The following WWOX variants were observed in gnomAD, a reference collection of about 807,000 sequenced individuals.
The protein encoded by WWOX is WW domain containing oxidoreductase, also known as WW domain-containing oxidoreductase.
Under a neutral mutation model 46.2 loss-of-function variants are expected in WWOX, and 69 were observed. That is an observed-to-expected ratio of 1.49 (90% CI 1.23 to 1.82). WWOX has a LOEUF of 1.82. Among genes scored for constraint, WWOX ranks in the 40% most tolerant of loss-of-function variants. The pLI, the probability that WWOX is intolerant of heterozygous loss-of-function variation, is 0.00. For missense variants in WWOX, 919 were observed against 542.6 expected, an observed-to-expected ratio of 1.69 and a Z score of -6.89; for synonymous variants, 359 against 202.6, an observed-to-expected ratio of 1.77 and a Z score of -6.56.
At chr16:78,368,690 TC>T (rs947459499) in intron 5 of WWOX, among the ~76,000 whole-genome samples, 11 of 152,062 alleles carry the variant, frequency 7.2e-5, no homozygotes, top group Admixed American at 3.3e-4. Flanking sequence ...TCCCCTCCCT[TC>T]CCCTCCCCCC....
chr16:78,147,261 A>T (rs924853457), intron 4 of WWOX, among the ~76,000 whole-genome samples: 49 of 152,096 alleles, frequency 3.2e-4, no homozygotes, highest in African/African-American at 1.2e-3. Context: ...AGTTTTTTAC[A>T]TTTTGCCTCT....
At chr16:78,759,435 G>A (rs907832416) in intron 8 of WWOX, among the ~76,000 whole-genome samples, 1 of 152,144 alleles carries the variant, frequency 6.6e-6, no homozygotes, top group Non-Finnish European at 1.5e-5. Flanking sequence ...GTGAGAGCCT[G>A]TTGAGTTAAA....
At chr16:78,910,046 C>A (rs1176498388) in intron 8 of WWOX, among the ~76,000 whole-genome samples, 1 of 152,170 alleles carries the variant, frequency 6.6e-6, no homozygotes, top group Non-Finnish European at 1.5e-5. Flanking sequence ...GCCCATGCAA[C>A]CCAGATGTCA....
intron 8 of WWOX, chr16:78,503,844 T>C (rs1479481672): frequency 6.6e-6 from 1 of 152,174 alleles, no homozygotes; most frequent in African/African-American, 2.4e-5. Flanking sequence ...TAGCAAACAG[T>C]AGTGTTGTCA....
At chr16:79,111,562 G>T (rs1189701195) in intron 8 of WWOX, among the ~76,000 whole-genome samples, 2 of 152,112 alleles carry the variant, frequency 1.3e-5, no homozygotes, top group East Asian at 3.9e-4. Context: ...TTTTGAAAGA[G>T]TACGATGGGG....
chr16:78,707,968 G>C (rs1303907528), intron 8 of WWOX, among the ~76,000 whole-genome samples: 1 of 152,232 alleles, frequency 6.6e-6, no homozygotes, highest in Non-Finnish European at 1.5e-5. Context: ...TAATGGAATA[G>C]TAAATAACAC....
In WWOX at chr16:78,336,065, C is replaced by T. The variant is rs575675300; in HGVS notation, c.517-50795C>T. Among the ~76,000 whole-genome samples, 3 of 151,998 alleles carry T rather than the reference C, an allele frequency of 2.0e-5. No homozygotes were observed. The East Asian group carries it at 5.8e-4, about 29-fold the overall frequency. The stretch of plus-strand genomic sequence containing the variant: ...CGAGATCAGGCCACTGCACTCCAAC[C>T]TGGGTGACAGAGCCAGAGTCTGTCT... On this transcript the variant is annotated intron_variant, in intron 5 of 8. Coordinates refer to ENST00000566780, the MANE Select transcript of WWOX (RefSeq NM_016373.4).
chr16:78,453,294 G>C (rs1428500262), intron 8 of WWOX, among the ~76,000 whole-genome samples: 2 of 151,902 alleles, frequency 1.3e-5, no homozygotes, highest in Non-Finnish European at 2.9e-5. Flanking sequence ...CATGGTAGCG[G>C]TGCCTGTAAT....
At chr16:78,213,144 G>A (rs943083700) in intron 5 of WWOX, among the ~76,000 whole-genome samples, 1 of 151,566 alleles carries the variant, frequency 6.6e-6, no homozygotes, top group African/African-American at 2.4e-5. Flanking sequence ...CCAGCTACTC[G>A]GGAGACTGAG....
chr16:78,300,723 C>T (rs887131322), intron 5 of WWOX, among the ~76,000 whole-genome samples: 1 of 152,102 alleles, frequency 6.6e-6, no homozygotes, highest in Non-Finnish European at 1.5e-5. Flanking sequence ...ATCAAGATAA[C>T]GTTTTTTTCT....
chr16:78,860,507 G>C (rs1257205084), intron 8 of WWOX, among the ~76,000 whole-genome samples: 1 of 151,822 alleles, frequency 6.6e-6, no homozygotes, highest in Non-Finnish European at 1.5e-5. Context: ...AAAAAAGAAG[G>C]AAAAAATGGA....
intron 4 of WWOX, among the ~76,000 whole-genome samples, chr16:78,157,051 A>T (rs1597282111): frequency 6.6e-6 from 1 of 151,538 alleles, no homozygotes; most frequent in East Asian, 1.9e-4. Flanking sequence ...GTTTACTCTC[A>T]TTTCCACTCT....
chr16:79,026,257 C>T (rs2047639252), intron 8 of WWOX, among the ~76,000 whole-genome samples: 1 of 151,772 alleles, frequency 6.6e-6, no homozygotes, highest in Non-Finnish European at 1.5e-5. Context: ...GCTTTAGTCA[C>T]CCTACCCTCG....
At chr16:78,682,541 C>T (rs1345722772) in intron 8 of WWOX, among the ~76,000 whole-genome samples, 7 of 152,098 alleles carry the variant, frequency 4.6e-5, no homozygotes, top group Admixed American at 1.3e-4. Flanking sequence ...TACGATCATG[C>T]CATGGCACTC....
chr16:78,740,810 G>A lies in WWOX; in HGVS notation c.1056+308058G>A, dbSNP rs76008501. Reference sequence around the variant, plus strand: ...TGTGTGTGTACGTGTGTGCATGAGCGTGTCTTAGAGATGCTTTTGCTCCTC... The same window carrying A: ...TGTGTGTGTACGTGTGTGCATGAGCATGTCTTAGAGATGCTTTTGCTCCTC... On this transcript the variant is annotated intron_variant, in intron 8 of 8. Transcript: ENST00000566780. Among the ~76,000 whole-genome samples, 279 of 152,220 alleles carry A rather than the reference G, an allele frequency of 1.8e-3. 1 individual carries two copies. Among genetic ancestry groups the A allele is most frequent in the African/African-American group, 6.4e-3 (266 of 41,520 alleles).
chr16:78,690,180 C>T (rs576714132), intron 8 of WWOX, among the ~76,000 whole-genome samples: 2 of 152,044 alleles, frequency 1.3e-5, no homozygotes, highest in Non-Finnish European at 2.9e-5. Context: ...TTTTAACAAC[C>T]CCCCCTCCAC....
At chr16:79,066,303 C>T (rs1274003939) in intron 8 of WWOX, among the ~76,000 whole-genome samples, 1 of 152,194 alleles carries the variant, frequency 6.6e-6, no homozygotes, top group Non-Finnish European at 1.5e-5. Context: ...GCACACTGAG[C>T]ACAGGCAGTA....
intron 8 of WWOX, among the ~76,000 whole-genome samples, chr16:78,827,849 C>G (rs1275144572): frequency 6.7e-6 from 1 of 148,622 alleles, no homozygotes; most frequent in African/African-American, 2.4e-5. Flanking sequence ...CAGAGAAAAA[C>G]AACAACAACA....
intron 8 of WWOX, among the ~76,000 whole-genome samples, chr16:78,916,065 G>A (rs186080197): frequency 1.7e-4 from 26 of 152,220 alleles, no homozygotes; most frequent in Middle Eastern, 3.4e-3. Flanking sequence ...GTGCAGACAC[G>A]ATGCTATCAT....
Sources: allele counts gnomAD v4.1 joint callset (sites outside exome capture counted in the v4.1 genomes callset), GRCh38; gene constraint gnomAD v4.1.1; transcripts MANE v1.5; gene names NCBI Gene and HGNC (gene_info 2026-07-23, HGNC 2026-07-21).